Variants in SLC2A10 observed in about 807,000 individuals in gnomAD.
SLC2A10 encodes the protein solute carrier family 2 member 10, also known as solute carrier family 2, facilitated glucose transporter member 10.
In SLC2A10, 25 loss-of-function variants were observed where a neutral mutation model predicts 32.1. That is an observed-to-expected ratio of 0.78 (90% CI 0.57 to 1.09). SLC2A10 has a LOEUF of 1.09. SLC2A10 is among the 50% of genes least tolerant of loss of function. SLC2A10 has a pLI of 0.00. For missense variants in SLC2A10, 673 were observed against 686.5 expected (o/e 0.98, Z 0.22); for synonymous variants, 332 against 309.6 (o/e 1.07, Z -0.76).
At position 46,736,258 on chromosome 20, in the gene SLC2A10, T is replaced by G. The variant is rs925288107; in HGVS notation, c.*2424T>G. 6.6e-6 allele frequency: 1 copy of G among 152,220 alleles called. No homozygotes were observed. Among genetic ancestry groups the G allele is most frequent in the African/African-American group, 2.4e-5 (1 of 41,444 alleles). The allele number at this position is 152,220 out of a possible 1,614,324, so 9.4% of individuals were successfully genotyped here. On this transcript the variant is annotated 3_prime_UTR_variant, in exon 5 of 5. Transcript: ENST00000359271. ...ATACACACAAAAATTAACAAAAGAT[T>G]CTGTAAGAATTAATTGGCTATATGG...
Position 46,712,596 on chromosome 20 carries a change from CTTAA to C in SLC2A10, c.4+2859_4+2862del, listed in dbSNP as rs535404390. On this transcript the variant is annotated intron_variant, in intron 1 of 4. Coordinates refer to ENST00000359271, the MANE Select transcript of SLC2A10 (RefSeq NM_030777.4). ...GGTCAAGCCGTCTTAATGTGTTCTC[CTTAA>C]TTTTCTTTCTTTTCTTTTTTTCTCT... Among the ~76,000 whole-genome samples the C allele has an allele frequency of 1.0e-3, 157 of 151,628 alleles. No homozygotes were observed. The Middle Eastern group carries it at 0.021, about 20-fold the overall frequency.
At chr20:46,712,103 G>A (rs969878946) in intron 1 of SLC2A10, among the ~76,000 whole-genome samples, 2 of 152,212 alleles carry the variant, frequency 1.3e-5, no homozygotes, top group Non-Finnish European at 2.9e-5. Flanking sequence ...TCATAGGATT[G>A]TCTAGGGATT....
In SLC2A10 at chr20:46,734,292, T is replaced by C. The variant is rs1235615990; in HGVS notation, c.*458T>C. 2.2e-5 allele frequency: 4 copies of C among 181,844 alleles called. No homozygotes were observed. The highest frequency in any genetic ancestry group is 3.3e-5 in the Non-Finnish European group (3 of 91,510). The allele number at this position is 181,844 out of a possible 1,614,324, so 11.3% of individuals were successfully genotyped here. ...GGGGAAGTCTCTTTTTTTACTCTTA[T>C]CATTTTTTTTTTTTGAGGTGGAGTC... On this transcript the variant is annotated 3_prime_UTR_variant, in exon 5 of 5. Transcript: ENST00000359271.
intron 1 of SLC2A10, chr20:46,714,317 T>A (rs1979100162): frequency 6.6e-6 from 1 of 152,224 alleles, no homozygotes. Context: ...AATTTGCTGA[T>A]TGATTGGATC....
At chr20:46,733,286 G>A (rs199935379) in intron 4 of SLC2A10, among the ~76,000 whole-genome samples, 3 of 152,072 alleles carry the variant, frequency 2.0e-5, no homozygotes, top group East Asian at 3.9e-4. Context: ...GGGTGGTGCT[G>A]CACACTTTTA....
rs772160405 is a variant in SLC2A10, at chr20:46,726,867, C to T, written c.1292C>T (p.Thr431Ile). 1 of 1,597,272 alleles carries T rather than the reference C, an allele frequency of 6.3e-7. No individual in the cohort carries two copies. The change falls in exon 3 of 5, where the codon ACC (threonine) becomes ATC (isoleucine). Residue 431 changes from threonine (T) to isoleucine (I), a missense_variant. Coordinates refer to ENST00000359271, the MANE Select transcript of SLC2A10 (RefSeq NM_030777.4). Reference protein sequence around the residue: ...SAFSFGFGPVTWLVLSEIYPV... With the variant: ...SAFSFGFGPVIWLVLSEIYPV... ...CCCTCCTGCTCTCCCACCCTAGTGA[C>T]CTGGCTTGTCCTCAGCGAGATCTAC...
In SLC2A10 at chr20:46,726,241, C is replaced by T; in HGVS notation, c.1205C>T (p.Ala402Val). 1 of 1,613,800 alleles carries T rather than the reference C, an allele frequency of 6.2e-7. No individual in the cohort carries two copies. The highest frequency in any genetic ancestry group is 8.5e-7 in the Non-Finnish European group (1 of 1,180,038). Residue 402 changes from alanine (A) to valine (V), a missense_variant, in exon 2 of 5, where the codon GCT becomes GTT. Transcript: ENST00000359271. ...SSALPGPPLPARGHALLRWTA... is the reference protein window; with the variant it reads ...SSALPGPPLPVRGHALLRWTA... ...GCCCTCCCTGGGCCCCCTCTGCCCG[C>T]TCGGGGGCATGCACTGCTGCGCTGG...
intron 1 of SLC2A10, among the ~76,000 whole-genome samples, chr20:46,718,588 C>T (rs1276560840): frequency 6.6e-6 from 1 of 152,058 alleles, no homozygotes; most frequent in Non-Finnish European, 1.5e-5. Flanking sequence ...TTGACCACAT[C>T]CCACAGGCCC....
intron 1 of SLC2A10, chr20:46,714,767 G>A (rs909182773): frequency 6.6e-6 from 1 of 152,472 alleles, no homozygotes; most frequent in African/African-American, 2.4e-5. Context: ...ACTGACTCAG[G>A]TGATGGGAAC....
At position 46,729,410 on chromosome 20, in the gene SLC2A10, T is replaced by A. The variant is rs2123062352; in HGVS notation, c.1469T>A (p.Leu490Gln). ...LLYGLTAVLG[L>Q]GFIYLFVPET... ...TACGGACTGACCGCTGTCCTCGGCCTGGGCTTCATCTATTTATTTGTTCCT... is the reference window on the plus strand; with the variant it reads ...TACGGACTGACCGCTGTCCTCGGCCAGGGCTTCATCTATTTATTTGTTCCT... Residue 490 changes from leucine to glutamine, a missense_variant, in exon 4 of 5, where the codon CTG (leucine) becomes CAG (glutamine). Physicochemically the swap from Leu to Gln is moderately radical, Grantham distance 113. Coordinates refer to ENST00000359271, the MANE Select transcript of SLC2A10 (RefSeq NM_030777.4). 1 of 1,614,052 alleles carries A rather than the reference T, an allele frequency of 6.2e-7. No individual in the cohort carries two copies. Among genetic ancestry groups the A allele is most frequent in the East Asian group, 2.2e-5 (1 of 44,862 alleles).
chr20:46,726,042 A>T lies in SLC2A10; in HGVS notation c.1006A>T (p.Thr336Ser), dbSNP rs113828882. The change falls in exon 2 of 5, where the codon ACC (threonine) becomes TCC (serine). Residue 336 changes from threonine to serine, a missense_variant. By Grantham distance (58) the Thr-to-Ser change is moderately conservative (BLOSUM62 1). Transcript: ENST00000359271. ...AAGCTGTCTGGCTGTGCCCAATGCCACCGGGCAGACAGGCCTCCCTGGAGA... is the reference window on the plus strand; with the variant it reads ...AAGCTGTCTGGCTGTGCCCAATGCCTCCGGGCAGACAGGCCTCCCTGGAGA... Reference protein sequence around the residue: ...GPSCLAVPNATGQTGLPGDSG... With the variant: ...GPSCLAVPNASGQTGLPGDSG... 2 of 1,613,934 alleles carry T rather than the reference A, an allele frequency of 1.2e-6. No homozygotes were observed. The highest frequency in any genetic ancestry group is 2.2e-5 in the South Asian group (2 of 91,082).
intron 1 of SLC2A10, among the ~76,000 whole-genome samples, chr20:46,718,483 AAT>A (rs1433284129): frequency 6.6e-6 from 1 of 152,022 alleles, no homozygotes; most frequent in East Asian, 1.9e-4. Flanking sequence ...ATTTTGTTCT[AAT>A]TTTCCTAGCT....
chr20:46,734,728 G>A lies in SLC2A10; in HGVS notation c.*894G>A, dbSNP rs1040465213. The A allele has an allele frequency of 1.3e-5, 2 of 152,470 alleles. No individual in the cohort carries two copies. Among genetic ancestry groups the A allele is most frequent in the Admixed American group, 1.3e-4 (2 of 15,280 alleles). The allele number at this position is 152,470 out of a possible 1,614,324, so 9.4% of individuals were successfully genotyped here. A position where few individuals can be genotyped will look rare whatever the true frequency, so the allele number is the denominator to read the frequency against. On this transcript the variant is annotated 3_prime_UTR_variant, in exon 5 of 5. Coordinates refer to ENST00000359271, the MANE Select transcript of SLC2A10 (RefSeq NM_030777.4). ...GCCTCAGTTTCCCCATTTGTATAAT[G>A]GGAAGCCTGTACCAGGTCATTCTTA...
intron 1 of SLC2A10, among the ~76,000 whole-genome samples, chr20:46,722,875 C>T (rs375735600): frequency 2.0e-4 from 30 of 152,298 alleles, no homozygotes; most frequent in East Asian, 7.7e-4. Flanking sequence ...ACATGCAGCC[C>T]GTGTTCCTCA....
upstream of SLC2A10, chr20:46,709,358 G>A (rs1032798584): frequency 6.1e-6 from 2 of 326,270 alleles, no homozygotes; most frequent in Non-Finnish European, 1.1e-5. Context: ...GAGGCCAGGG[G>A]AAGACAGTGC....
chr20:46,716,446 C>A (rs1255887905), intron 1 of SLC2A10, among the ~76,000 whole-genome samples: 1 of 152,164 alleles, frequency 6.6e-6, no homozygotes, highest in East Asian at 1.9e-4. Flanking sequence ...AGCCACCACA[C>A]CTGGCCATAA....
chr20:46,709,861 T>G, intron 1 of SLC2A10, 121 bp downstream of exon 1: 22 of 1,216,662 alleles, frequency 1.8e-5, no homozygotes, highest in Non-Finnish European at 2.6e-5. Context: ...CCCGGCCGGA[T>G]ACCGCCTCTC....
intron 1 of SLC2A10, among the ~76,000 whole-genome samples, chr20:46,721,384 A>T (rs555353428): frequency 3.3e-5 from 5 of 151,828 alleles, no homozygotes; most frequent in African/African-American, 1.2e-4. Flanking sequence ...TCCTGTCCTC[A>T]CTACTATATA....
chr20:46,732,049 A>C (rs894842470), intron 4 of SLC2A10, among the ~76,000 whole-genome samples: 2 of 152,174 alleles, frequency 1.3e-5, no homozygotes, highest in Non-Finnish European at 2.9e-5. Context: ...TAGAGCCGTC[A>C]CCCACTGCTG....
Sources: gnomAD v4.1 joint callset for allele counts (sites outside exome capture counted in the v4.1 genomes callset) on GRCh38, gnomAD v4.1.1 for gene constraint, MANE v1.5 for transcripts, NCBI Gene and HGNC (gene_info 2026-07-23, HGNC 2026-07-21) for gene names.